The following ZNF263 variants were observed in gnomAD, a reference collection of about 807,000 sequenced individuals.
ZNF263 encodes zinc finger protein 263.
In ZNF263, 49 loss-of-function variants were observed where a neutral mutation model predicts 63.1. The observed-to-expected ratio is 0.78, with a 90% CI of 0.62 to 0.99. The LOEUF is 0.99. Among genes scored for constraint, ZNF263 ranks in the 50% least tolerant of loss-of-function variants. The pLI, the probability that ZNF263 is intolerant of heterozygous loss-of-function variation, is 0.00. For missense variants in ZNF263, 872 were observed against 854.8 expected (o/e 1.02, Z -0.25); for synonymous variants, 352 against 324.2 (o/e 1.09, Z -0.92).
At chr16:3,287,721 G>A (rs1321130528) in intron 4 of ZNF263, among the ~76,000 whole-genome samples, 1 of 151,780 alleles carries the variant, frequency 6.6e-6, no homozygotes, top group Non-Finnish European at 1.5e-5. Context: ...TAATCTCATG[G>A]TCCTCTTAGA....
intron 1 of ZNF263, 58 bp from the exon 2 acceptor site, chr16:3,285,001 T>G: frequency 6.3e-7 from 1 of 1,596,520 alleles, no homozygotes; most frequent in Non-Finnish European, 8.6e-7. Flanking sequence ...TATCCTATAC[T>G]AATTTCCCTT....
intron 1 of ZNF263, among the ~76,000 whole-genome samples, chr16:3,296,621 A>C (rs1047777422): frequency 6.6e-6 from 1 of 152,228 alleles, no homozygotes; most frequent in Non-Finnish European, 1.5e-5. Flanking sequence ...CCTAAACTGA[A>C]TGTAAAAAGG....
At chr16:3,300,671 A>G in intron 2 of ZNF263, 24 of 1,515,962 alleles carry the variant, frequency 1.6e-5, no homozygotes, top group Non-Finnish European at 2.1e-5. Context: ...GCCTTAATGA[A>G]TTGGCAAAAA....
chr16:3,284,368 A>T (rs1456261410), intron 1 of ZNF263, among the ~76,000 whole-genome samples, 163 bp downstream of exon 1: 1 of 152,158 alleles, frequency 6.6e-6, no homozygotes, highest in South Asian at 2.1e-4. Context: ...TTTTCCCCCA[A>T]ATGAACGAAA....
Position 3,290,142 on chromosome 16 carries a change from TACC to T in ZNF263, c.1637_1639del (p.Tyr546_Pro547delinsSer). 6.2e-7 allele frequency: 1 copy of T among 1,614,162 alleles called. No homozygotes were observed. Among genetic ancestry groups the T allele is most frequent in the Non-Finnish European group, 8.5e-7 (1 of 1,180,036 alleles). ...AAGAACTCATGAGAGAGAGAGACTT[TACC>T]CCTTCTCTGAGTGTGGGGAAGCTGT... On this transcript the variant is annotated inframe_deletion, in exon 6 of 6. Coordinates refer to ENST00000219069, the MANE Select transcript of ZNF263 (RefSeq NM_005741.5).
chr16:3,299,810 T>C (rs182315954), intron 2 of ZNF263: 127 of 1,586,152 alleles, frequency 8.0e-5, no homozygotes, highest in Non-Finnish European at 1.1e-4. Flanking sequence ...GGAACAAAGT[T>C]TTGAAAAAAC....
Position 3,290,554 on chromosome 16 carries a change from G to T in ZNF263, c.2048G>T (p.Gly683Val). 1 of 1,603,310 alleles carries T rather than the reference G, an allele frequency of 6.2e-7. No homozygotes were observed. Among genetic ancestry groups the T allele is most frequent in the Non-Finnish European group, 8.5e-7 (1 of 1,174,422 alleles). Residue 683 changes from glycine (G) to valine (V), a missense_variant, in exon 6 of 6, where the codon GGT becomes GTT. By Grantham distance (109) the Gly-to-Val change is moderately radical. Transcript: ENST00000219069. ...ATGAGTCATCAGAGAACTCACACAG[G>T]TTAGTAACAGTGGGGTTTCTCTTTG... ...RLMSHQRTHT[G>V]
At chr16:3,291,484 C>G, downstream of ZNF263, 2 of 985,372 alleles carry the variant, frequency 2.0e-6, no homozygotes, top group Non-Finnish European at 1.2e-6. Flanking sequence ...TCAATGAAAG[C>G]CTCTGTCTAG....
intron 1 of ZNF263, chr16:3,298,880 T>C: frequency 2.1e-6 from 1 of 470,138 alleles, no homozygotes; most frequent in East Asian, 3.3e-5. Flanking sequence ...TGGGCACTGA[T>C]ATACAAAATA....
intron 2 of ZNF263, chr16:3,300,119 C>G: frequency 6.2e-7 from 1 of 1,614,232 alleles, no homozygotes; most frequent in Non-Finnish European, 8.5e-7. Flanking sequence ...AGTTTCTCCT[C>G]TTTGATTATC....
At chr16:3,286,229 A>C in intron 4 of ZNF263, 80 bp downstream of exon 4, 2 of 1,498,036 alleles carry the variant, frequency 1.3e-6, no homozygotes, top group Non-Finnish European at 1.8e-6. Flanking sequence ...CCTCCTGGAC[A>C]CAGACTCTGA....
At chr16:3,300,402 CCT>C in intron 2 of ZNF263, 3 of 1,614,188 alleles carry the variant, frequency 1.9e-6, no homozygotes, top group Non-Finnish European at 2.5e-6. Flanking sequence ...CTCCCGTTGT[CCT>C]CTTTCTCTTC....
At chr16:3,296,278 A>G (rs1371607152), downstream of ZNF263, among the ~76,000 whole-genome samples, 1 of 152,082 alleles carries the variant, frequency 6.6e-6, no homozygotes, top group Admixed American at 6.6e-5. Context: ...AACTGGGGTG[A>G]CTCTCGGTCA....
rs929832248 is a variant in ZNF263 at position 3,290,184 on chromosome 16, C to A, written c.1678C>A (p.Pro560Thr). The A allele has an allele frequency of 1.9e-6, 3 of 1,613,970 alleles. No homozygotes were observed. Among genetic ancestry groups the A allele is most frequent in the Admixed American group, 3.3e-5 (2 of 59,980 alleles). ...ECGEAVSDST[P>T]FLTNHGAHKA... ...TGGGGAAGCTGTGAGTGACAGCACC[C>A]CCTTTCTTACAAACCATGGAGCCCA... The change falls in exon 6 of 6, where the codon CCC (proline) becomes ACC (threonine). Residue 560 changes from proline to threonine, a missense_variant. Pro to Thr is a conservative substitution (Grantham distance 38). Transcript: ENST00000219069.
intron 2 of ZNF263, chr16:3,299,657 G>A: frequency 6.4e-7 from 1 of 1,556,722 alleles, no homozygotes; most frequent in Non-Finnish European, 8.6e-7. Flanking sequence ...GTGTTATGGG[G>A]GAAGAACATA....
chr16:3,285,630 G>A (rs1245864525), intron 2 of ZNF263, 51 bp from the exon 3 acceptor site: 2 of 1,575,576 alleles, frequency 1.3e-6, no homozygotes, highest in South Asian at 1.1e-5. Context: ...TAATCCTTGG[G>A]TTGCCAAGAG....
chr16:3,289,349 A>C, intron 5 of ZNF263, 44 bp from the exon 6 acceptor site: 1 of 1,489,598 alleles, frequency 6.7e-7, no homozygotes, highest in Non-Finnish European at 8.9e-7. Context: ...TCTTTTCTCC[A>C]GCATAGAAAT....
Position 3,290,492 on chromosome 16 carries a change from T to C in ZNF263, c.1986T>C (p.Ser662=), listed in dbSNP as rs1416030910. The C allele has an allele frequency of 1.2e-6, 2 of 1,613,726 alleles. No individual in the cohort carries two copies. Among genetic ancestry groups the C allele is most frequent in the East Asian group, 2.2e-5 (1 of 44,844 alleles). ...THTGERPYKC[S]ECGESFSRSS... ...CGGGAGAGAGACCCTATAAATGTTC[T>C]GAATGTGGAGAAAGCTTCTCTCGGA... The change falls in exon 6 of 6, where the codon TCT becomes TCC. Residue 662 remains serine (S), a synonymous_variant. Transcript: ENST00000219069.
At position 3,297,741 on chromosome 16, in the gene ZNF263, G is replaced by C. The variant is rs556492627; in HGVS notation, c.152-1365G>C. On this transcript the variant is annotated intron_variant, in intron 1 of 2. Coordinates refer to the ZNF263 transcript ENST00000574674. ...GGCCTCCCAAAGTGCTGGGATTACA[G>C]CCGTGAGCCACCGCGCCCGGCCAGA... Among the ~76,000 whole-genome samples the C allele has an allele frequency of 5.9e-5, 9 of 152,106 alleles. No homozygotes were observed. In the South Asian group the frequency reaches 1.7e-3, roughly 28 times the overall value.
Sources: gnomAD v4.1 joint callset for allele counts (sites outside exome capture counted in the v4.1 genomes callset) on GRCh38, gnomAD v4.1.1 for gene constraint, MANE v1.5 for transcripts, NCBI Gene and HGNC (gene_info 2026-07-23, HGNC 2026-07-21) for gene names.